DMD: variants seen among roughly 807,000 people sequenced by gnomAD.
The protein encoded by DMD is mutant dystrophin.
A neutral mutation model predicts 330.1 loss-of-function variants in DMD; 63 were observed. The ratio of observed to expected loss-of-function variants is 0.19; its 90% CI spans 0.16 to 0.24. The LOEUF (loss-of-function observed/expected upper bound fraction) is 0.24, where lower values mean the gene tolerates loss of function less well. DMD is among the 10% of genes least tolerant of loss of function. DMD has a pLI of 1.00. For missense variants in DMD, 3,344 were observed against 2,684.1 expected, an observed-to-expected ratio of 1.25 and a Z score of -5.43; for synonymous variants, 1,223 against 959.8, an observed-to-expected ratio of 1.27 and a Z score of -5.07.
chrX:32,499,918 A>G (rs763004251), intron 19 of DMD, among the ~76,000 whole-genome samples: 1 of 111,703 alleles, frequency 9.0e-6, no homozygotes, highest in East Asian at 2.8e-4. Flanking sequence ...GAACAAATAG[A>G]TAAGTTAGAA....
chrX:32,268,635 T>A lies in DMD; in HGVS notation c.6290+18894A>T, dbSNP rs181428624. On this transcript the variant is annotated intron_variant, in intron 43 of 78. Transcript: ENST00000357033. Reference sequence around the variant, plus strand: ...TGAACTCACATCCTTGTCTCAGGATTTGCTTATGTAAGAACCCAAACTGAG... The same window carrying A: ...TGAACTCACATCCTTGTCTCAGGATATGCTTATGTAAGAACCCAAACTGAG... Among the ~76,000 whole-genome samples the A allele has an allele frequency of 1.9e-3, 212 of 111,751 alleles. 1 individual carries two copies. Among genetic ancestry groups the A allele is most frequent in the African/African-American group, 6.5e-3 (200 of 30,734 alleles).
chrX:32,577,862 A>T (rs2053234924), intron 13 of DMD, among the ~76,000 whole-genome samples: 1 of 112,672 alleles, frequency 8.9e-6, no homozygotes, highest in Non-Finnish European at 1.9e-5. Flanking sequence ...TGAATTAGAA[A>T]TTACTTGCTC....
chrX:33,008,651 T>C (rs1281990689), intron 2 of DMD, among the ~76,000 whole-genome samples: 2 of 109,307 alleles, frequency 1.8e-5, no homozygotes, highest in African/African-American at 3.3e-5. Context: ...ACTGTTTTTT[T>C]CTAACCTTTG....
At chrX:31,251,095 A>G (rs1365522972) in intron 63 of DMD, among the ~76,000 whole-genome samples, 1 of 109,082 alleles carries the variant, frequency 9.2e-6, no homozygotes, top group Non-Finnish European at 1.9e-5. Context: ...AAACAAAAAA[A>G]AAAACCCACC....
intron 7 of DMD, among the ~76,000 whole-genome samples, chrX:32,713,214 CTG>C (rs1216119385): frequency 9.0e-6 from 1 of 111,731 alleles, no homozygotes; most frequent in Non-Finnish European, 1.9e-5. Flanking sequence ...ATCTAGAAAA[CTG>C]AATCCCTCTT....
intron 61 of DMD, 134 bp downstream of exon 61, chrX:31,348,422 G>C (rs1226453427): frequency 3.2e-6 from 2 of 620,054 alleles, no homozygotes; most frequent in East Asian, 7.2e-5. Context: ...TTATATTTCA[G>C]GATGATTTAT....
At position 31,402,389 on chromosome X, in the gene DMD, T is replaced by C. The variant is rs149098057; in HGVS notation, c.9084+42092A>G. ...CAGGTATAGGGCTGCTTTGAGGAGA[T>C]AAACGGATGGGCCGATAAAGCTTAT... is the stretch of plus-strand genomic sequence containing the variant. On this transcript the variant is annotated intron_variant, in intron 60 of 78. Coordinates refer to ENST00000357033, the MANE Select transcript of DMD (RefSeq NM_004006.3). 9.2e-3 allele frequency among the ~76,000 whole-genome samples: 1,031 copies of C among 111,914 alleles called. 15 individuals are homozygous for C. Among genetic ancestry groups the C allele is most frequent in the African/African-American group, 0.032 (983 of 30,830 alleles).
chrX:31,628,942 A>AT lies in DMD; in HGVS notation c.8028-1081_8028-1080insA, dbSNP rs1556765554. Among the ~76,000 whole-genome samples, 421 of 104,073 alleles carry AT rather than the reference A, an allele frequency of 4.0e-3. 4 individuals carry two copies. Among genetic ancestry groups the AT allele is most frequent in the South Asian group, 9.3e-3 (22 of 2,377 alleles). The allele number at this position is 104,073 out of a possible 115,157, so 90.4% of individuals were successfully genotyped here. A position where few individuals can be genotyped will look rare whatever the true frequency, so the allele number is the denominator to read the frequency against. ...TATATATATATATATATATATATATAAAATGCATGTATTGTGGATACACAC... is the reference window on the plus strand; with the variant it reads ...TATATATATATATATATATATATATATAAATGCATGTATTGTGGATACACAC... On this transcript the variant is annotated intron_variant, in intron 54 of 78. Coordinates refer to ENST00000357033, the MANE Select transcript of DMD (RefSeq NM_004006.3).
chrX:32,298,793 G>A (rs1293205748), intron 42 of DMD, among the ~76,000 whole-genome samples: 2 of 110,685 alleles, frequency 1.8e-5, no homozygotes, highest in African/African-American at 6.6e-5. Context: ...ATTCACTGCT[G>A]CTGGGGCCCA....
intron 44 of DMD, among the ~76,000 whole-genome samples, chrX:32,194,593 G>C (rs1712406055): frequency 9.0e-6 from 1 of 111,525 alleles, no homozygotes; most frequent in African/African-American, 3.3e-5. Context: ...GTGAGGTAGT[G>C]AGGGAAGGAG....
At chrX:32,547,435 C>A (rs1368174092) in intron 16 of DMD, among the ~76,000 whole-genome samples, 1 of 110,921 alleles carries the variant, frequency 9.0e-6, no homozygotes, top group Non-Finnish European at 1.9e-5. Context: ...AGTAGTAAGA[C>A]ATGAGTCTGT....
At chrX:31,569,658 A>G (rs1296927423) in intron 55 of DMD, among the ~76,000 whole-genome samples, 2 of 98,425 alleles carry the variant, frequency 2.0e-5, no homozygotes, top group African/African-American at 7.3e-5. Context: ...ACGTATATAT[A>G]CGTATATATA....
In DMD at chrX:31,772,043, G is replaced by A. The variant is rs760434172; in HGVS notation, c.7542+1917C>T. ...CAATGGTAGACTAGGCTACAGAAGC[G>A]GAAACAAGCTCTCATTTCCATATAA... On this transcript the variant is annotated intron_variant, in intron 51 of 78. Coordinates refer to ENST00000357033, the MANE Select transcript of DMD (RefSeq NM_004006.3). Among the ~76,000 whole-genome samples, 9 of 111,784 alleles carry A rather than the reference G, an allele frequency of 8.1e-5. No individual in the cohort carries two copies. The South Asian group carries it at 1.9e-3, about 23-fold the overall frequency.
At chrX:32,500,693 G>A (rs189316000) in intron 19 of DMD, among the ~76,000 whole-genome samples, 1 of 111,515 alleles carries the variant, frequency 9.0e-6, no homozygotes, top group East Asian at 2.8e-4. Flanking sequence ...AAATCTACTG[G>A]TATTTTCATT....
chrX:31,205,700 T>C (rs2043997143), intron 66 of DMD, among the ~76,000 whole-genome samples: 2 of 112,247 alleles, frequency 1.8e-5, no homozygotes, highest in South Asian at 7.4e-4. Context: ...TACATAAAAG[T>C]GAGGGCCAAA....
chrX:31,177,916 CAA>C lies in DMD; in HGVS notation c.10262+14_10262+15del. 1 of 1,198,188 alleles carries C rather than the reference CAA, an allele frequency of 8.3e-7. No homozygotes were observed. Among genetic ancestry groups the C allele is most frequent in the Non-Finnish European group, 1.1e-6 (1 of 884,441 alleles). ...TGTTGGTGGTAGCAGCACCCTTCAG[CAA>C]AAAAAGTACTCACGCAGAATCTACT... On this transcript the variant is annotated intron_variant, in intron 71 of 78. Coordinates refer to ENST00000357033, the MANE Select transcript of DMD (RefSeq NM_004006.3).
chrX:31,297,096 C>T lies in DMD; in HGVS notation c.9224+26502G>A, dbSNP rs148392234. 3.5e-3 allele frequency among the ~76,000 whole-genome samples: 392 copies of T among 111,010 alleles called. 1 individual carries two copies. Among genetic ancestry groups the T allele is most frequent in the African/African-American group, 0.012 (362 of 30,583 alleles). ...CACTGACAAATGCTAATGTCTCAGC[C>T]AGGGAAATTGATTGACAGGAAACTG... On this transcript the variant is annotated intron_variant, in intron 62 of 78. Coordinates refer to ENST00000357033, the MANE Select transcript of DMD (RefSeq NM_004006.3).
intron 1 of DMD, among the ~76,000 whole-genome samples, chrX:33,163,497 C>T (rs1337264655): frequency 9.3e-6 from 1 of 107,630 alleles, no homozygotes; most frequent in East Asian, 2.9e-4. Context: ...GATCGTGCCA[C>T]GGCACTCCAG....
chrX:33,005,544 T>C (rs1024659614), intron 2 of DMD, among the ~76,000 whole-genome samples: 50 of 107,869 alleles, frequency 4.6e-4, no homozygotes, highest in East Asian at 1.8e-3. Flanking sequence ...AAGAGAATTA[T>C]GGGAAAATTA....
Sources: gnomAD v4.1 joint callset for allele counts (sites outside exome capture counted in the v4.1 genomes callset) on GRCh38, gnomAD v4.1.1 for gene constraint, MANE v1.5 for transcripts, NCBI Gene and HGNC (gene_info 2026-07-23, HGNC 2026-07-21) for gene names.